Variants in PLGRKT observed in about 807,000 individuals in gnomAD.
PLGRKT encodes plasminogen receptor with a C-terminal lysine, also known as plasminogen receptor (KT).
PLGRKT carries 22 observed loss-of-function variants against 18.5 expected under a neutral mutation model. The observed-to-expected ratio is 1.19, with a 90% confidence interval of 0.85 to 1.70. The LOEUF (loss-of-function observed/expected upper bound fraction) is 1.70, where lower values mean the gene tolerates loss of function less well. PLGRKT is among the 40% of genes most tolerant of loss of function. The pLI is 0.00. For missense variants in PLGRKT, 235 were observed against 174.4 expected (o/e 1.35, Z -1.96); for synonymous variants, 72 against 52.8 (o/e 1.36, Z -1.58).
chr9:5,382,899 G>A lies in PLGRKT; in HGVS notation c.82-21011C>T, dbSNP rs114023551. Among the ~76,000 whole-genome samples, 548 of 152,300 alleles carry A rather than the reference G, an allele frequency of 3.6e-3. 4 individuals are homozygous for A. The highest frequency in any genetic ancestry group is 0.012 in the African/African-American group (493 of 41,554). Reference sequence around the variant, plus strand: ...CCTGAATGTGGGTGGAGAAGGAAGGGAAGAGTAGGGGTTGACTCCCTATAG... The same window carrying A: ...CCTGAATGTGGGTGGAGAAGGAAGGAAAGAGTAGGGGTTGACTCCCTATAG... On this transcript the variant is annotated intron_variant, in intron 3 of 5. Transcript: ENST00000223864.
At chr9:5,390,241 G>GTGTA in intron 3 of PLGRKT, among the ~76,000 whole-genome samples, 1 of 148,548 alleles carries the variant, frequency 6.7e-6, no homozygotes, top group South Asian at 2.1e-4. Context: ...GTGTGTATGT[G>GTGTA]TATATATATA....
In PLGRKT at chr9:5,398,281, C is replaced by T. The variant is rs148767267; in HGVS notation, c.81+33616G>A. 2.5e-3 allele frequency among the ~76,000 whole-genome samples: 375 copies of T among 151,800 alleles called. 13 individuals are homozygous for T. Among genetic ancestry groups the T allele is most frequent in the African/African-American group, 8.8e-3 (363 of 41,164 alleles). On this transcript the variant is annotated intron_variant, in intron 3 of 5. Coordinates refer to ENST00000223864, the MANE Select transcript of PLGRKT (RefSeq NM_018465.4). ...TTTAGGAAGGTGAGAAACCTGCTGC[C>T]CAGTCATAGGACTGCAGCATGCCAG...
chr9:5,369,956 G>A (rs1050877108), intron 3 of PLGRKT, among the ~76,000 whole-genome samples: 1 of 152,108 alleles, frequency 6.6e-6, no homozygotes, highest in Non-Finnish European at 1.5e-5. Flanking sequence ...GGGGACTAGG[G>A]GAGGGATAGC....
At chr9:5,402,868 A>C (rs1261066097) in intron 3 of PLGRKT, among the ~76,000 whole-genome samples, 1 of 152,012 alleles carries the variant, frequency 6.6e-6, no homozygotes, top group African/African-American at 2.4e-5. Context: ...ACAAATCAGA[A>C]TTAGTTGTAA....
chr9:5,438,266 G>C (rs1586754336), upstream of PLGRKT, among the ~76,000 whole-genome samples: 1 of 152,112 alleles, frequency 6.6e-6, no homozygotes. Context: ...GAGAGATGTC[G>C]GTCTCGCCTC....
chr9:5,414,131 T>A (rs1586735933), intron 3 of PLGRKT, among the ~76,000 whole-genome samples: 1 of 152,196 alleles, frequency 6.6e-6, no homozygotes, highest in East Asian at 1.9e-4. Context: ...GGGAATGAGT[T>A]AATAGGGAGA....
At chr9:5,428,709 G>GT (rs199887890) in intron 3 of PLGRKT, among the ~76,000 whole-genome samples, 2,592 of 152,164 alleles carry the variant, frequency 0.017, 67 homozygotes, top group African/African-American at 0.057. Context: ...TATTGTTTTG[G>GT]TTTTTTGAGA....
chr9:5,405,758 G>A (rs747999232), intron 3 of PLGRKT, among the ~76,000 whole-genome samples: 1 of 152,142 alleles, frequency 6.6e-6, no homozygotes, highest in Non-Finnish European at 1.5e-5. Flanking sequence ...ATTGACAAAT[G>A]GGATCTAATT....
chr9:5,432,547 G>C (rs953556882), intron 2 of PLGRKT, among the ~76,000 whole-genome samples: 4 of 150,612 alleles, frequency 2.7e-5, no homozygotes, highest in African/African-American at 9.8e-5. Flanking sequence ...GCGGAGCCTG[G>C]ACTGTACCGC....
rs547348359 is a variant in PLGRKT at position 5,413,914 on chromosome 9, T to C, written c.81+17983A>G. 5.3e-5 allele frequency among the ~76,000 whole-genome samples: 8 copies of C among 152,340 alleles called. No individual in the cohort carries two copies. The South Asian group carries it at 1.7e-3, about 32-fold the overall frequency. ...ATTTGGAGTGGTTTCCAGGATATAC[T>C]GCTAAATGAAAAATGCAAAGTAAAC... On this transcript the variant is annotated intron_variant, in intron 3 of 5. Transcript: ENST00000223864.
intron 3 of PLGRKT, among the ~76,000 whole-genome samples, chr9:5,408,335 T>C (rs10975098): frequency 0.23 from 35,328 of 152,100 alleles, 4,526 homozygotes; most frequent in Non-Finnish European, 0.29. Context: ...GAAAAACCTA[T>C]GGGAAGCGGA....
intron 3 of PLGRKT, 130 bp from the exon 4 acceptor site, chr9:5,362,018 C>T: frequency 5.7e-6 from 5 of 871,448 alleles, no homozygotes; most frequent in Non-Finnish European, 8.8e-6. Flanking sequence ...AAAATCTCAA[C>T]AGACTTTGAC....
At chr9:5,387,670 G>T (rs111835069) in intron 3 of PLGRKT, among the ~76,000 whole-genome samples, 21 of 63,380 alleles carry the variant, frequency 3.3e-4, no homozygotes, top group African/African-American at 5.4e-4. Flanking sequence ...AGCCTCCTGC[G>T]GGGGGGCTGG....
intron 2 of PLGRKT, 101 bp from the exon 3 acceptor site, chr9:5,432,084 A>G (rs1818838755): frequency 6.5e-6 from 4 of 617,448 alleles, no homozygotes; most frequent in Non-Finnish European, 8.8e-6. Flanking sequence ...AGTAAAAAAA[A>G]AAAGTAAAAT....
Position 5,361,896 on chromosome 9 carries a change from C to A in PLGRKT, c.82-8G>T, listed in dbSNP as rs756119918. 3.9e-5 allele frequency: 62 copies of A among 1,609,748 alleles called. No homozygotes were observed. The highest frequency in any genetic ancestry group is 5.0e-5 in the Non-Finnish European group (59 of 1,178,608). On this transcript the variant is annotated splice_region_variant and splice_polypyrimidine_tract_variant and intron_variant, in intron 3 of 5. Transcript: ENST00000223864. ...GATGAGCTGCCTTTCCAGCTAAGGA[C>A]AAAACAAAAGACAAAGTAAAGTTAC...
intron 3 of PLGRKT, among the ~76,000 whole-genome samples, chr9:5,405,869 G>T (rs990090545): frequency 6.6e-6 from 1 of 151,946 alleles, no homozygotes; most frequent in Non-Finnish European, 1.5e-5. Context: ...TCTGACAAAG[G>T]TCTAATATCC....
chr9:5,371,324 C>T (rs1817510654), intron 3 of PLGRKT, among the ~76,000 whole-genome samples: 1 of 152,142 alleles, frequency 6.6e-6, no homozygotes, highest in African/African-American at 2.4e-5. Flanking sequence ...TTGGCTGTGT[C>T]CCCACCCAAA....
chr9:5,427,699 C>A (rs746096814), intron 3 of PLGRKT, among the ~76,000 whole-genome samples: 3 of 152,172 alleles, frequency 2.0e-5, no homozygotes, highest in African/African-American at 7.2e-5. Flanking sequence ...GGAAGACTAC[C>A]GTTGTTTGCA....
chr9:5,415,563 C>T (rs1258820083), intron 3 of PLGRKT, among the ~76,000 whole-genome samples: 2 of 152,072 alleles, frequency 1.3e-5, no homozygotes, highest in Non-Finnish European at 2.9e-5. Context: ...AAAATAGTAA[C>T]TTTACAGTGT....
Sources: allele counts gnomAD v4.1 joint callset (sites outside exome capture counted in the v4.1 genomes callset), GRCh38; gene constraint gnomAD v4.1.1; transcripts MANE v1.5; gene names NCBI Gene and HGNC (gene_info 2026-07-23, HGNC 2026-07-21).